The following PDZD4 variants were observed in gnomAD, a reference collection of about 807,000 sequenced individuals.
PDZD4 encodes PDZ domain-containing protein 4.
A neutral mutation model predicts 38.5 loss-of-function variants in PDZD4; 9 were observed. The observed-to-expected ratio is 0.23, with a 90% CI of 0.14 to 0.41. The LOEUF (loss-of-function observed/expected upper bound fraction) is 0.41. Among genes scored for constraint, PDZD4 ranks in the 10% least tolerant of loss-of-function variants. The probability of loss-of-function intolerance (pLI) is 1.00; values close to 1 mark genes in which losing one functional copy is unlikely to be tolerated. For missense variants in PDZD4, 612 were observed against 722.0 expected (o/e 0.85, Z 1.75); for synonymous variants, 349 against 315.7 (o/e 1.11, Z -1.12).
In PDZD4 at chrX:153,804,138, G is replaced by A. The variant is rs2092196953; in HGVS notation, c.1543C>T (p.Pro515Ser). ...GCCTTGGCGGGGGTGGCAACAGCGG[G>A]GCCGGGAGGGGTCCGGTTCAAGTTG... ...NSNLNRTPPG[P>S]AVATPAKAAP... is the part of the protein sequence containing the mutation. Residue 515 changes from proline (P) to serine (S), a missense_variant, in exon 8 of 8, where the codon CCC becomes TCC. Physicochemically the swap from Pro to Ser is moderately conservative, Grantham distance 74. Coordinates refer to ENST00000393758, the MANE Select transcript of PDZD4 (RefSeq NM_001303512.2). The A allele has an allele frequency of 1.7e-6, 2 of 1,149,826 alleles. No homozygotes were observed. The highest frequency in any genetic ancestry group is 2.3e-6 in the Non-Finnish European group (2 of 867,058). 94.8% of individuals were successfully genotyped at this position (1,149,826 alleles called of 1,213,427 possible).
At chrX:153,827,001 G>A (rs782105814) in intron 1 of PDZD4, among the ~76,000 whole-genome samples, 1 of 111,932 alleles carries the variant, frequency 8.9e-6, no homozygotes, top group South Asian at 3.7e-4. Context: ...GGAAACTTGA[G>A]GGACTTAGAA....
chrX:153,804,997 A>T, intron 7 of PDZD4, 97 bp from the exon 8 acceptor site: 1 of 1,123,532 alleles, frequency 8.9e-7, no homozygotes. Flanking sequence ...GGCCTGGTTC[A>T]TTTCCCTGCC....
chrX:153,812,680 G>A (rs1346300102), intron 1 of PDZD4, among the ~76,000 whole-genome samples: 1 of 111,082 alleles, frequency 9.0e-6, no homozygotes, highest in East Asian at 2.8e-4. Flanking sequence ...TCTGGGGAAG[G>A]GCTAAGGGCT....
rs782424665 is a variant in PDZD4 at position 153,830,266 on chromosome X, C to A, written c.33G>T (p.Pro11=). 1.5e-5 allele frequency: 18 copies of A among 1,202,364 alleles called. No homozygotes were observed. The change falls in exon 1 of 8, where the codon CCG becomes CCT. Residue 11 remains proline (P), a synonymous_variant. Coordinates refer to ENST00000393758, the MANE Select transcript of PDZD4 (RefSeq NM_001303512.2). Reference sequence around the variant, plus strand: ...GCAGCATCACTTTGTACTGCTCCTCCGGTTTCTGGACCACGCACATATTAC... The same window carrying A: ...GCAGCATCACTTTGTACTGCTCCTCAGGTTTCTGGACCACGCACATATTAC... MGCNMCVVQK[P]EEQYKVMLQV... is the part of the protein sequence containing the mutation.
At chrX:153,806,907 G>C in intron 3 of PDZD4, 67 bp from the exon 4 acceptor site, 1 of 950,546 alleles carries the variant, frequency 1.1e-6, no homozygotes, top group East Asian at 3.1e-5. Flanking sequence ...GAGGGAGCAG[G>C]CAGCACAGCC....
intron 1 of PDZD4, among the ~76,000 whole-genome samples, chrX:153,824,005 C>T (rs1377370474): frequency 1.8e-5 from 2 of 112,294 alleles, no homozygotes; most frequent in Non-Finnish European, 3.8e-5. Context: ...TTGGTGAGGT[C>T]TGTTGCTGGG....
chrX:153,803,514 C>G lies in PDZD4; in HGVS notation c.2167G>C (p.Glu723Gln), dbSNP rs1341288336. 8.4e-7 allele frequency: 1 copy of G among 1,192,119 alleles called. No homozygotes were observed. Among genetic ancestry groups the G allele is most frequent in the Non-Finnish European group, 1.1e-6 (1 of 885,136 alleles). ...REQQNGDSKP[E>Q]LNIIALSHRK... The stretch of plus-strand genomic sequence containing the variant: ...TGGCTCAGGGCAATGATGTTGAGCT[C>G]GGGCTTGCTGTCGCCATTCTGCTGC... The change falls in exon 8 of 8, where the codon GAG becomes CAG. Residue 723 changes from glutamate to glutamine, a missense_variant. Physicochemically the swap from Glu to Gln is conservative, Grantham distance 29. Around this residue, in one of 3 missense-constraint regions of PDZD4, gnomAD observed 87 missense variants for 126.3 expected, o/e 0.69. Transcript: ENST00000393758.
Position 153,830,390 on chromosome X carries a change from A to C in PDZD4, c.-92T>G. ...GGACCTCGGGTCCCGGGCCGGGGCC[A>C]GGGGCCATACCCTGGCGCGGGGGGC... On this transcript the variant is annotated 5_prime_UTR_variant, in exon 1 of 8. Coordinates refer to ENST00000393758, the MANE Select transcript of PDZD4 (RefSeq NM_001303512.2). 1 of 805,141 alleles carries C rather than the reference A, an allele frequency of 1.2e-6. No individual in the cohort carries two copies. Among genetic ancestry groups the C allele is most frequent in the Non-Finnish European group, 1.8e-6 (1 of 555,647 alleles). 66.4% of individuals were successfully genotyped at this position (805,141 alleles called of 1,213,427 possible). A position where few individuals can be genotyped will look rare whatever the true frequency, so the allele number is the denominator to read the frequency against.
At chrX:153,805,398 C>CCAAAA in intron 6 of PDZD4, 107 bp downstream of exon 6, 1 of 553,471 alleles carries the variant, frequency 1.8e-6, no homozygotes, top group Non-Finnish European at 3.0e-6. Context: ...ACCCGCCCTC[C>CCAAAA]ATCAACTCCA....
chrX:153,805,384 G>GGC, intron 6 of PDZD4, 121 bp downstream of exon 6: 2 of 355,462 alleles, frequency 5.6e-6, no homozygotes, highest in Non-Finnish European at 9.8e-6. Context: ...AGAGACCCCT[G>GGC]CCCACCCGCC....
intron 1 of PDZD4, among the ~76,000 whole-genome samples, chrX:153,827,218 A>G (rs932272174): frequency 7.1e-5 from 8 of 112,257 alleles, no homozygotes; most frequent in South Asian, 3.7e-4. Context: ...CAAAATCACA[A>G]TGAGATACCA....
chrX:153,807,897 G>A (rs1557077672), intron 2 of PDZD4: 15 of 981,312 alleles, frequency 1.5e-5, no homozygotes, highest in South Asian at 2.0e-5. Context: ...CAGCGCTCAC[G>A]CGGTCATGAG....
chrX:153,829,651 C>A (rs1252231703), intron 1 of PDZD4: 1 of 710,817 alleles, frequency 1.4e-6, no homozygotes, highest in African/African-American at 2.4e-5. Context: ...CGGGGCCCTG[C>A]TGGTCCACGC....
intron 4 of PDZD4, 119 bp downstream of exon 4, chrX:153,806,623 C>A: frequency 1.6e-6 from 1 of 619,484 alleles, no homozygotes; most frequent in Non-Finnish European, 2.6e-6. Flanking sequence ...ATCGCCTCAC[C>A]ACGCAGCACC....
At position 153,830,504 on chromosome X, in the gene PDZD4, C is replaced by A; in HGVS notation, c.-206G>T. 2.9e-6 allele frequency: 1 copy of A among 339,708 alleles called. No individual in the cohort carries two copies. The highest frequency in any genetic ancestry group is 5.2e-6 in the Non-Finnish European group (1 of 193,879). The allele number at this position is 339,708 out of a possible 1,213,427, so 28.0% of individuals were successfully genotyped here. A position where few individuals can be genotyped will look rare whatever the true frequency, so the allele number is the denominator to read the frequency against. On this transcript the variant is annotated 5_prime_UTR_variant, in exon 1 of 8. Transcript: ENST00000393758. Reference sequence around the variant, plus strand: ...TAACTCTTCGCTGGCCGAGGCCAGGCGCGGGCATGCTCCCTCGCACCCGGC... The same window carrying A: ...TAACTCTTCGCTGGCCGAGGCCAGGAGCGGGCATGCTCCCTCGCACCCGGC...
At chrX:153,820,226 A>AATT (rs1557080952) in intron 1 of PDZD4, among the ~76,000 whole-genome samples, 1 of 109,137 alleles carries the variant, frequency 9.2e-6, no homozygotes, top group Non-Finnish European at 1.9e-5. Flanking sequence ...TTGCACCTGT[A>AATT]GTTCCAGCTA....
chrX:153,809,057 G>A (rs782702980), intron 1 of PDZD4, among the ~76,000 whole-genome samples: 3 of 112,906 alleles, frequency 2.7e-5, no homozygotes, highest in Non-Finnish European at 5.6e-5. Flanking sequence ...TGCTCATTCA[G>A]CATCAAGCAA....
chrX:153,828,294 C>T (rs1603268639), intron 1 of PDZD4, among the ~76,000 whole-genome samples: 1 of 112,624 alleles, frequency 8.9e-6, no homozygotes, highest in Non-Finnish European at 1.9e-5. Flanking sequence ...TTTCAGTCCT[C>T]TTGTTTTCCC....
rs1557077191 is a variant in PDZD4, at chrX:153,806,768, C to G, written c.478G>C (p.Glu160Gln). The G allele has an allele frequency of 8.3e-7, 1 of 1,211,228 alleles. No individual in the cohort carries two copies. The highest frequency in any genetic ancestry group is 1.7e-5 in the African/African-American group (1 of 57,686). Residue 160 changes from glutamate to glutamine, a missense_variant, in exon 4 of 8, where the codon GAG becomes CAG. Physicochemically the swap from Glu to Gln is conservative, Grantham distance 29. Transcript: ENST00000393758. The part of the protein sequence containing the change: ...LMVCYRTDDE[E>Q]DLGIYVGEVN... ...TCTCCGACATAAATGCCCAGGTCCT[C>G]CTCGTCGTCCGTGCGGTAGCAAACC...
Sources: allele counts gnomAD v4.1 joint callset (sites outside exome capture counted in the v4.1 genomes callset), GRCh38; gene constraint gnomAD v4.1.1; regional missense constraint gnomAD v4.1.1; transcripts MANE v1.5; gene names NCBI Gene and HGNC (gene_info 2026-07-23, HGNC 2026-07-21).